The following CWH43 variants were observed in gnomAD, a reference collection of about 807,000 sequenced individuals.
The protein encoded by CWH43 is cell wall biogenesis 43 C-terminal homolog.
CWH43 carries 91 observed loss-of-function variants against 85.7 expected under a neutral mutation model. The ratio of observed to expected loss-of-function variants is 1.06; its 90% CI spans 0.90 to 1.26. CWH43 has a LOEUF of 1.26. CWH43 is among the 50% of genes most tolerant of loss of function. The probability of loss-of-function intolerance (pLI) is 0.00; values close to 1 mark genes in which losing one functional copy is unlikely to be tolerated. For missense variants in CWH43, 869 were observed against 839.2 expected, an observed-to-expected ratio of 1.04 and a Z score of -0.44; for synonymous variants, 323 against 293.6, an observed-to-expected ratio of 1.10 and a Z score of -1.02.
At chr4:49,041,115 G>A (rs1012417057) in intron 13 of CWH43, among the ~76,000 whole-genome samples, 9 of 152,070 alleles carry the variant, frequency 5.9e-5, no homozygotes, top group African/African-American at 2.2e-4. Flanking sequence ...CTCTGTTTTG[G>A]TACCAGTACC....
intron 14 of CWH43, among the ~76,000 whole-genome samples, chr4:49,045,466 T>C (rs1317203852): frequency 6.6e-6 from 1 of 152,218 alleles, no homozygotes; most frequent in Non-Finnish European, 1.5e-5. Flanking sequence ...TCTACAATGG[T>C]AGTTGATAAG....
At chr4:49,021,452 G>A (rs1453639815) in intron 9 of CWH43, among the ~76,000 whole-genome samples, 6 of 152,016 alleles carry the variant, frequency 3.9e-5, no homozygotes, top group Non-Finnish European at 7.4e-5. Context: ...TTTGTGACTA[G>A]GGCTTTATAG....
intron 12 of CWH43, among the ~76,000 whole-genome samples, chr4:49,037,173 T>A (rs960878352): frequency 9.2e-5 from 14 of 152,158 alleles, no homozygotes; most frequent in Non-Finnish European, 1.9e-4. Flanking sequence ...AGAAGCTTGA[T>A]GTACCCACCT....
chr4:49,039,212 A>G (rs1368048677), intron 13 of CWH43, among the ~76,000 whole-genome samples: 1 of 140,486 alleles, frequency 7.1e-6, no homozygotes, highest in Admixed American at 7.2e-5. Flanking sequence ...GAATTACTCT[A>G]CCTTTTCAGG....
chr4:49,029,678 C>T (rs561867747), intron 10 of CWH43, among the ~76,000 whole-genome samples: 1 of 152,340 alleles, frequency 6.6e-6, no homozygotes, highest in East Asian at 1.9e-4. Context: ...AGAAAACCGC[C>T]CTGTGGCTGG....
chr4:48,988,674 A>T lies in CWH43; in HGVS notation c.235+6A>T. On this transcript the variant is annotated splice_donor_region_variant and intron_variant, in intron 2 of 15. Coordinates refer to ENST00000226432, the MANE Select transcript of CWH43 (RefSeq NM_025087.3). ...GCTGAGGATAATCACTATTGGTAAGATTTAAAAGAGTTTCTTTAAGTTGTT... is the reference window on the plus strand; with the variant it reads ...GCTGAGGATAATCACTATTGGTAAGTTTTAAAAGAGTTTCTTTAAGTTGTT... The T allele has an allele frequency of 6.4e-7, 1 of 1,562,208 alleles. No homozygotes were observed. Among genetic ancestry groups the T allele is most frequent in the Non-Finnish European group, 8.7e-7 (1 of 1,155,110 alleles).
In CWH43 at chr4:49,062,028, G is replaced by T; in HGVS notation, c.*138G>T. On this transcript the variant is annotated 3_prime_UTR_variant, in exon 16 of 16. Transcript: ENST00000226432. Reference sequence around the variant, plus strand: ...AAAACACATGGTATCTATGCAGTGGGAAATTACCTCCATTTGTAAACTATG... The same window carrying T: ...AAAACACATGGTATCTATGCAGTGGTAAATTACCTCCATTTGTAAACTATG... 4 of 504,594 alleles carry T rather than the reference G, an allele frequency of 7.9e-6. No homozygotes were observed. Among genetic ancestry groups the T allele is most frequent in the Non-Finnish European group, 1.2e-5 (4 of 339,020 alleles). 31.3% of individuals were successfully genotyped at this position (504,594 alleles called of 1,614,324 possible). A position where few individuals can be genotyped will look rare whatever the true frequency, so the allele number is the denominator to read the frequency against.
intron 11 of CWH43, 50 bp from the exon 12 acceptor site, chr4:49,032,516 G>T: frequency 6.2e-7 from 1 of 1,603,684 alleles, no homozygotes. Context: ...CCAGTGCATG[G>T]TAGAATGGGA....
chr4:49,003,342 C>T (rs1385434635), intron 6 of CWH43, among the ~76,000 whole-genome samples: 1 of 152,122 alleles, frequency 6.6e-6, no homozygotes, highest in African/African-American at 2.4e-5. Context: ...TTCTAGAAAC[C>T]ACACTCTACC....
At chr4:49,061,179 A>G (rs1785146494) in intron 15 of CWH43, among the ~76,000 whole-genome samples, 1 of 152,182 alleles carries the variant, frequency 6.6e-6, no homozygotes, top group Non-Finnish European at 1.5e-5. Flanking sequence ...TAGAAGTGAA[A>G]TAGCAGAATC....
At chr4:49,029,259 G>A (rs1323357876) in intron 10 of CWH43, among the ~76,000 whole-genome samples, 2 of 152,218 alleles carry the variant, frequency 1.3e-5, no homozygotes, top group African/African-American at 2.4e-5. Flanking sequence ...AGAAACATGT[G>A]CTGTATGGAA....
At chr4:49,037,550 T>C (rs2109816295) in intron 12 of CWH43, among the ~76,000 whole-genome samples, 1 of 148,506 alleles carries the variant, frequency 6.7e-6, no homozygotes, top group South Asian at 2.2e-4. Context: ...AGTCCGGGTG[T>C]CAGTGTGAGA....
intron 8 of CWH43, among the ~76,000 whole-genome samples, chr4:49,015,154 T>C (rs778266843): frequency 2.4e-4 from 36 of 152,178 alleles, no homozygotes; most frequent in Non-Finnish European, 3.8e-4. Context: ...CCATGATTTC[T>C]GAATGTATAT....
chr4:49,032,392 A>G (rs1784124840), intron 11 of CWH43, among the ~76,000 whole-genome samples, 174 bp from the exon 12 acceptor site: 1 of 152,192 alleles, frequency 6.6e-6, no homozygotes, highest in Non-Finnish European at 1.5e-5. Flanking sequence ...ATGCTATCAG[A>G]TGAAATGATC....
intron 8 of CWH43, among the ~76,000 whole-genome samples, chr4:49,010,192 A>G (rs775191153): frequency 5.3e-5 from 8 of 151,696 alleles, no homozygotes; most frequent in Non-Finnish European, 1.2e-4. Flanking sequence ...ACTTCTTCCT[A>G]GTTTAGTCTT....
chr4:49,048,164 A>G (rs922467764), intron 14 of CWH43, among the ~76,000 whole-genome samples: 1 of 152,172 alleles, frequency 6.6e-6, no homozygotes, highest in Non-Finnish European at 1.5e-5. Context: ...CAAGTTTTAA[A>G]AAATGTTGGG....
intron 13 of CWH43, among the ~76,000 whole-genome samples, chr4:49,038,506 C>T (rs974550178): frequency 5.9e-5 from 9 of 152,146 alleles, no homozygotes; most frequent in African/African-American, 9.7e-5. Context: ...CCTGGTTCCT[C>T]GCCATGGGCT....
chr4:49,017,997 G>A (rs548088064), intron 9 of CWH43, among the ~76,000 whole-genome samples: 2 of 152,034 alleles, frequency 1.3e-5, no homozygotes, highest in Non-Finnish European at 2.9e-5. Context: ...CACCATGCCC[G>A]GCTAATTTTT....
intron 15 of CWH43, among the ~76,000 whole-genome samples, chr4:49,058,805 G>C (rs756763193): frequency 6.6e-6 from 1 of 152,108 alleles, no homozygotes; most frequent in African/African-American, 2.4e-5. Flanking sequence ...TGGCCTGCAA[G>C]GTTTCTACTG....
Sources: gnomAD v4.1 joint callset for allele counts (sites outside exome capture counted in the v4.1 genomes callset) on GRCh38, gnomAD v4.1.1 for gene constraint, MANE v1.5 for transcripts, NCBI Gene and HGNC (gene_info 2026-07-23, HGNC 2026-07-21) for gene names.